Variants in SLC18A2 observed in about 807,000 individuals in gnomAD.
SLC18A2 encodes the protein solute carrier family 18 member A2, also known as synaptic vesicular amine transporter.
Under a neutral mutation model 59.2 loss-of-function variants are expected in SLC18A2, and 33 were observed. The ratio of observed to expected loss-of-function variants is 0.56; its 90% CI spans 0.42 to 0.75. SLC18A2 has a LOEUF of 0.75. Among genes scored for constraint, SLC18A2 ranks in the 30% least tolerant of loss-of-function variants. The pLI, the probability that SLC18A2 is intolerant of heterozygous loss-of-function variation, is 0.00. For synonymous variants in SLC18A2, 228 were observed against 253.5 expected (o/e 0.90, Z 0.95); for missense variants, 569 against 668.6 (o/e 0.85, Z 1.64).
chr10:117,244,626 C>T (rs1472648201), intron 3 of SLC18A2, among the ~76,000 whole-genome samples: 1 of 152,234 alleles, frequency 6.6e-6, no homozygotes, highest in East Asian at 1.9e-4. Context: ...GTCAGAATCG[C>T]CCTTGGCAGC....
chr10:117,269,037 T>C lies in SLC18A2; in HGVS notation c.1187-1034T>C, dbSNP rs567440280. 2.7e-4 allele frequency among the ~76,000 whole-genome samples: 39 copies of C among 146,224 alleles called. No homozygotes were observed. The highest frequency in any genetic ancestry group is 1.5e-4 in the Non-Finnish European group (10 of 66,044). On this transcript the variant is annotated intron_variant, in intron 13 of 15. Coordinates refer to ENST00000644641, the MANE Select transcript of SLC18A2 (RefSeq NM_003054.6). This position sits in a 1 kb window ranked among gnomAD's most constrained non-coding sequence, Gnocchi z 5.1. ...ACTGACACACGCATACACACACACATACACACATACACCCCCCACATAAAC... is the reference window on the plus strand; with the variant it reads ...ACTGACACACGCATACACACACACACACACACATACACCCCCCACATAAAC...
intron 2 of SLC18A2, among the ~76,000 whole-genome samples, chr10:117,242,439 A>G (rs1235233389): frequency 1.6e-5 from 2 of 127,722 alleles, no homozygotes; most frequent in Non-Finnish European, 3.3e-5. Context: ...GCATTTCCTT[A>G]AAAAAAAAAA....
At chr10:117,245,504 G>T (rs1475279612) in intron 3 of SLC18A2, among the ~76,000 whole-genome samples, 1 of 152,148 alleles carries the variant, frequency 6.6e-6, no homozygotes, top group Non-Finnish European at 1.5e-5. Flanking sequence ...TTTAAGCAGG[G>T]TAGGTGGGCA....
intron 15 of SLC18A2, among the ~76,000 whole-genome samples, chr10:117,274,973 C>T (rs1198759406): frequency 6.6e-6 from 1 of 152,186 alleles, no homozygotes; most frequent in African/African-American, 2.4e-5. Flanking sequence ...TCAAAGTTGA[C>T]ACTGTTGTCA....
chr10:117,253,271 G>A, intron 3 of SLC18A2, 128 bp from the exon 4 acceptor site: 1 of 711,010 alleles, frequency 1.4e-6, no homozygotes, highest in South Asian at 1.7e-5. Context: ...CTGAGTATAT[G>A]AATTTTCAGA....
At chr10:117,274,741 G>A (rs571889228) in intron 15 of SLC18A2, among the ~76,000 whole-genome samples, 6 of 152,056 alleles carry the variant, frequency 3.9e-5, no homozygotes, top group Non-Finnish European at 7.4e-5. Flanking sequence ...CTCAACTCCC[G>A]CCTCTATAGG....
chr10:117,275,910 C>T (rs183282607), intron 15 of SLC18A2, among the ~76,000 whole-genome samples: 4 of 152,106 alleles, frequency 2.6e-5, no homozygotes, highest in African/African-American at 7.2e-5. Context: ...TGGGGACAGG[C>T]GGTCAGGAAA....
intron 15 of SLC18A2, among the ~76,000 whole-genome samples, chr10:117,273,223 T>C (rs1250452605): frequency 1.3e-5 from 2 of 152,186 alleles, no homozygotes; most frequent in South Asian, 4.1e-4. Flanking sequence ...ATCAGCATTA[T>C]CAGTATAGGT....
rs577432310 is a variant in SLC18A2 at position 117,278,878 on chromosome 10, T to G, written c.*1612T>G. 1.1e-3 allele frequency: 168 copies of G among 152,348 alleles called. No individual in the cohort carries two copies. The highest frequency in any genetic ancestry group is 3.9e-3 in the African/African-American group (161 of 41,576). 9.4% of individuals were successfully genotyped at this position (152,348 alleles called of 1,614,324 possible). A position where few individuals can be genotyped will look rare whatever the true frequency, so the allele number is the denominator to read the frequency against. On this transcript the variant is annotated 3_prime_UTR_variant, in exon 16 of 16. Transcript: ENST00000644641. ...AGTCTGCCACTTTGGAAGATGGCTC[T>G]GGAGGAAACTCTCATATGGCTAAAA... is the stretch of plus-strand genomic sequence containing the variant.
intron 10 of SLC18A2, among the ~76,000 whole-genome samples, chr10:117,262,377 G>A (rs999653752): frequency 6.6e-6 from 1 of 152,212 alleles, no homozygotes; most frequent in African/African-American, 2.4e-5. Flanking sequence ...GAAAGTGGAA[G>A]CCCAAAGACC....
intron 2 of SLC18A2, 56 bp downstream of exon 2, chr10:117,241,870 C>A (rs1245487922): frequency 1.1e-5 from 17 of 1,516,772 alleles, no homozygotes; most frequent in Non-Finnish European, 1.5e-5. Flanking sequence ...GCCCCTTCCC[C>A]GGCACTCCAC....
intron 15 of SLC18A2, among the ~76,000 whole-genome samples, chr10:117,273,200 T>C (rs1439972311): frequency 6.6e-6 from 1 of 152,256 alleles, no homozygotes; most frequent in Non-Finnish European, 1.5e-5. Context: ...TTACTGGATT[T>C]CTGTTTTTTA....
In SLC18A2 at chr10:117,266,826, A is replaced by G. The variant is rs1287895870; in HGVS notation, c.1070+15A>G. On this transcript the variant is annotated intron_variant, in intron 11 of 15. Transcript: ENST00000644641. ...AAAATGGGGAGGTAAGATGATATGA[A>G]AACAACACTCATTCTGTTACAATAA... 1 of 1,603,776 alleles carries G rather than the reference A, an allele frequency of 6.2e-7. No individual in the cohort carries two copies. The highest frequency in any genetic ancestry group is 1.7e-5 in the Admixed American group (1 of 59,920).
In SLC18A2 at chr10:117,241,830, G is replaced by T. The variant is rs771822488; in HGVS notation, c.121+16G>T. On this transcript the variant is annotated intron_variant, in intron 2 of 15. Coordinates refer to ENST00000644641, the MANE Select transcript of SLC18A2 (RefSeq NM_003054.6). ...ACTGTCGTGGGTACGTGCGGACAGG[G>T]CACCCCTGCCCCGGCACCCCAGCCC... 1.9e-6 allele frequency: 3 copies of T among 1,599,512 alleles called. No homozygotes were observed. Among genetic ancestry groups the T allele is most frequent in the Non-Finnish European group, 2.6e-6 (3 of 1,174,272 alleles).
chr10:117,260,185 G>A (rs530722395), intron 10 of SLC18A2, among the ~76,000 whole-genome samples: 89 of 152,324 alleles, frequency 5.8e-4, no homozygotes, highest in African/African-American at 2.0e-3. Context: ...TGCCCCGGTT[G>A]CCATTCTGGT....
intron 10 of SLC18A2, among the ~76,000 whole-genome samples, chr10:117,263,754 C>A (rs1468493459): frequency 6.6e-6 from 1 of 152,194 alleles, no homozygotes; most frequent in Non-Finnish European, 1.5e-5. Context: ...AAGCCCTGGA[C>A]AACAGGCCCC....
At chr10:117,264,822 A>G (rs111720810) in intron 10 of SLC18A2, among the ~76,000 whole-genome samples, 1 of 152,202 alleles carries the variant, frequency 6.6e-6, no homozygotes, top group Non-Finnish European at 1.5e-5. Context: ...GCTGGTAGGA[A>G]GTCCTACGAC....
At chr10:117,259,707 G>A (rs1331775671) in intron 10 of SLC18A2, among the ~76,000 whole-genome samples, 3 of 152,220 alleles carry the variant, frequency 2.0e-5, no homozygotes, top group Non-Finnish European at 4.4e-5. Flanking sequence ...TGTGGGGGAG[G>A]CCAGTGTTGC....
At chr10:117,271,587 G>A (rs1056208228) in intron 15 of SLC18A2, among the ~76,000 whole-genome samples, 1 of 152,124 alleles carries the variant, frequency 6.6e-6, no homozygotes, top group Non-Finnish European at 1.5e-5. Flanking sequence ...AGTAATGCAT[G>A]GCCCGTCTGA....
Sources: allele counts gnomAD v4.1 joint callset (sites outside exome capture counted in the v4.1 genomes callset), GRCh38; gene constraint gnomAD v4.1.1; non-coding constraint Gnocchi (gnomAD v3.1); transcripts MANE v1.5; gene names NCBI Gene and HGNC (gene_info 2026-07-23, HGNC 2026-07-21).